FHIT: variants seen among roughly 807,000 people sequenced by gnomAD.
The protein encoded by FHIT is fragile histidine triad diadenosine triphosphatase.
A neutral mutation model predicts 17.9 loss-of-function variants in FHIT; 19 were observed. The ratio of observed to expected loss-of-function variants is 1.06; its 90% CI spans 0.74 to 1.56. The LOEUF is 1.56. Among genes scored for constraint, FHIT ranks in the 40% most tolerant of loss-of-function variants. The probability of loss-of-function intolerance (pLI) is 0.00; values close to 1 mark genes in which losing one functional copy is unlikely to be tolerated. For synonymous variants in FHIT, 81 were observed against 69.7 expected (o/e 1.16, Z -0.81); for missense variants, 248 against 189.2 (o/e 1.31, Z -1.82).
chr3:59,957,922 A>G (rs1422572406), intron 7 of FHIT, among the ~76,000 whole-genome samples: 1 of 152,268 alleles, frequency 6.6e-6, no homozygotes, highest in Non-Finnish European at 1.5e-5. Flanking sequence ...AGAATATTAG[A>G]TTAATACTTC....
At chr3:60,211,718 GT>G (rs1158284514) in intron 5 of FHIT, among the ~76,000 whole-genome samples, 1 of 152,072 alleles carries the variant, frequency 6.6e-6, no homozygotes, top group Non-Finnish European at 1.5e-5. Context: ...AAGTGCTGAG[GT>G]TTTGTTGGGG....
At chr3:60,561,824 C>A (rs1375351216) in intron 4 of FHIT, among the ~76,000 whole-genome samples, 1 of 151,600 alleles carries the variant, frequency 6.6e-6, no homozygotes, top group Non-Finnish European at 1.5e-5. Context: ...TAGTCAGGCA[C>A]CATTCTTAAT....
intron 4 of FHIT, among the ~76,000 whole-genome samples, chr3:60,659,404 C>T (rs1450033914): frequency 6.6e-6 from 1 of 152,026 alleles, no homozygotes; most frequent in Non-Finnish European, 1.5e-5. Context: ...TGAACTCTCA[C>T]AATGGGTATG....
chr3:60,559,155 G>T (rs1462186877), intron 4 of FHIT, among the ~76,000 whole-genome samples: 1 of 152,064 alleles, frequency 6.6e-6, no homozygotes, highest in Non-Finnish European at 1.5e-5. Flanking sequence ...TTAGTAAATG[G>T]CAAGCTTCTT....
At position 59,992,341 on chromosome 3, in the gene FHIT, T is replaced by TA. The variant is rs1161617080; in HGVS notation, c.279+19029dup. 3.3e-5 allele frequency among the ~76,000 whole-genome samples: 5 copies of TA among 152,190 alleles called. No individual in the cohort carries two copies. The South Asian group carries it at 8.3e-4, about 25-fold the overall frequency. ...TACATTTAAGAATTACTTTTACAAT[T>TA]AAGCTGCCCAAGGGGTCTATAGATG... On this transcript the variant is annotated intron_variant, in intron 7 of 9. Transcript: ENST00000492590.
chr3:60,192,559 G>C (rs924259464), intron 5 of FHIT, among the ~76,000 whole-genome samples: 11 of 152,170 alleles, frequency 7.2e-5, no homozygotes, highest in African/African-American at 2.4e-4. Context: ...TCAACACAGA[G>C]ATTGAGTTGA....
intron 8 of FHIT, among the ~76,000 whole-genome samples, chr3:59,837,697 T>C (rs540019440): frequency 2.0e-5 from 3 of 152,224 alleles, no homozygotes; most frequent in Non-Finnish European, 4.4e-5. Flanking sequence ...CGTTTTTCTA[T>C]GAGGAGCACT....
chr3:60,381,022 A>C (rs1178548008), intron 5 of FHIT, among the ~76,000 whole-genome samples: 2 of 152,218 alleles, frequency 1.3e-5, no homozygotes, highest in African/African-American at 4.8e-5. Flanking sequence ...GTAGCCTTTG[A>C]AACTCCATGA....
In FHIT at chr3:60,380,479, A is replaced by G. The variant is rs140620992; in HGVS notation, c.103+156381T>C. Among the ~76,000 whole-genome samples the G allele has an allele frequency of 7.9e-5, 12 of 152,300 alleles. No individual in the cohort carries two copies. In the East Asian group the frequency reaches 1.7e-3, roughly 22 times the overall value. On this transcript the variant is annotated intron_variant, in intron 5 of 9. Coordinates refer to ENST00000492590, the MANE Select transcript of FHIT (RefSeq NM_002012.4). Reference sequence around the variant, plus strand: ...GTTTCAGATATTCCTTTATAGCAACATAATTGGTCTAACACAGTCAGTGTC... The same window carrying G: ...GTTTCAGATATTCCTTTATAGCAACGTAATTGGTCTAACACAGTCAGTGTC...
intron 3 of FHIT, among the ~76,000 whole-genome samples, chr3:60,846,146 G>C (rs1301696516): frequency 6.6e-6 from 1 of 152,128 alleles, no homozygotes; most frequent in Non-Finnish European, 1.5e-5. Flanking sequence ...CATTGTTAGA[G>C]AGCAACACTA....
Position 60,112,774 on chromosome 3 carries a change from T to C in FHIT, c.104-98622A>G, listed in dbSNP as rs6794136. ...CCAGCTTCCTGGGTGAGTCTTTACATAGGAGCATGATGGAAGCAAGCAGCA... is the reference window on the plus strand; with the variant it reads ...CCAGCTTCCTGGGTGAGTCTTTACACAGGAGCATGATGGAAGCAAGCAGCA... On this transcript the variant is annotated intron_variant, in intron 5 of 9. Coordinates refer to ENST00000492590, the MANE Select transcript of FHIT (RefSeq NM_002012.4). 4.0e-3 allele frequency among the ~76,000 whole-genome samples: 611 copies of C among 152,276 alleles called. 3 individuals carry two copies. The highest frequency in any genetic ancestry group is 0.013 in the African/African-American group (557 of 41,564).
chr3:60,247,020 C>T (rs1298974860), intron 5 of FHIT, among the ~76,000 whole-genome samples: 7 of 152,074 alleles, frequency 4.6e-5, no homozygotes, highest in Admixed American at 1.3e-4. Flanking sequence ...CCAAACTCAT[C>T]GAACATACAT....
chr3:60,783,364 A>T (rs1700458367), intron 4 of FHIT, among the ~76,000 whole-genome samples: 2 of 152,216 alleles, frequency 1.3e-5, no homozygotes, highest in South Asian at 4.1e-4. Flanking sequence ...CATAGCCCAC[A>T]GTCTGTAGTC....
chr3:60,918,772 CTT>C (rs1707136196), intron 3 of FHIT, among the ~76,000 whole-genome samples: 2 of 152,174 alleles, frequency 1.3e-5, no homozygotes, highest in Admixed American at 1.3e-4. Context: ...AGTTATATCT[CTT>C]TCCATTTGAT....
chr3:60,388,003 G>C (rs1701078228), intron 5 of FHIT, among the ~76,000 whole-genome samples: 1 of 152,028 alleles, frequency 6.6e-6, no homozygotes, highest in Non-Finnish European at 1.5e-5. Context: ...CATGTGATCT[G>C]CACATACCAG....
chr3:60,401,824 G>C (rs1181841972), intron 5 of FHIT, among the ~76,000 whole-genome samples: 1 of 152,116 alleles, frequency 6.6e-6, no homozygotes, highest in East Asian at 1.9e-4. Context: ...AATGAGTCTT[G>C]AAAACAATTT....
chr3:60,521,548 A>G (rs933579598), intron 5 of FHIT, among the ~76,000 whole-genome samples: 1 of 152,076 alleles, frequency 6.6e-6, no homozygotes, highest in Non-Finnish European at 1.5e-5. Flanking sequence ...TGCCCGGCCA[A>G]AAGTTATAAT....
chr3:60,475,188 C>T (rs2033283792), intron 5 of FHIT, among the ~76,000 whole-genome samples: 2 of 151,716 alleles, frequency 1.3e-5, no homozygotes, highest in Admixed American at 1.3e-4. Context: ...ACTCTTTGTT[C>T]ATCTCTTTAA....
At chr3:60,096,273 G>C (rs1205821439) in intron 5 of FHIT, among the ~76,000 whole-genome samples, 2 of 151,218 alleles carry the variant, frequency 1.3e-5, no homozygotes, top group East Asian at 3.9e-4. Flanking sequence ...CAGCAGAGTG[G>C]GGATGCAGGG....
Sources: gnomAD v4.1 joint callset for allele counts (sites outside exome capture counted in the v4.1 genomes callset) on GRCh38, gnomAD v4.1.1 for gene constraint, MANE v1.5 for transcripts, NCBI Gene and HGNC (gene_info 2026-07-23, HGNC 2026-07-21) for gene names.